The following PLEKHD1 variants were observed in gnomAD, a reference collection of about 807,000 sequenced individuals.
PLEKHD1 encodes the protein pleckstrin homology domain-containing family D member 1.
Under a neutral mutation model 69.2 loss-of-function variants are expected in PLEKHD1, and 51 were observed. That is an observed-to-expected ratio of 0.74 (90% CI 0.59 to 0.93). The LOEUF is 0.93. PLEKHD1 is among the 40% of genes least tolerant of loss of function. The pLI is 0.00. For synonymous variants in PLEKHD1, 236 were observed against 244.7 expected, an observed-to-expected ratio of 0.96 and a Z score of 0.33; for missense variants, 584 against 641.0, an observed-to-expected ratio of 0.91 and a Z score of 0.96.
At chr14:69,473,923 C>T in the PLEKHD1 span, among the ~76,000 whole-genome samples, 1 of 152,312 alleles carries the variant, frequency 6.6e-6, no homozygotes, top group African/African-American at 2.4e-5. Context: ...TCCAGCCCTC[C>T]AGCCCCCATC....
chr14:69,505,808 G>A lies in PLEKHD1; in HGVS notation c.555+2929G>A, dbSNP rs554314306. ...GGGACTCTGGAGGAATGAGCAGAGCGTGCAGGGGGAACCCTCCTGACTCAT... is the reference window on the plus strand; with the variant it reads ...GGGACTCTGGAGGAATGAGCAGAGCATGCAGGGGGAACCCTCCTGACTCAT... On this transcript the variant is annotated intron_variant, in intron 6 of 12. Coordinates refer to ENST00000322564, the MANE Select transcript of PLEKHD1 (RefSeq NM_001161498.2). 8.5e-5 allele frequency among the ~76,000 whole-genome samples: 13 copies of A among 152,328 alleles called. No homozygotes were observed. The South Asian group carries it at 1.2e-3, about 15-fold the overall frequency.
At chr14:69,481,945 G>A (rs1044403096), upstream of PLEKHD1, among the ~76,000 whole-genome samples, 2 of 152,122 alleles carry the variant, frequency 1.3e-5, no homozygotes, top group East Asian at 1.9e-4. Context: ...ATTTCAGCAC[G>A]CCTACCAGCT....
intron 6 of PLEKHD1, among the ~76,000 whole-genome samples, chr14:69,515,158 A>C (rs943951731): frequency 2.6e-5 from 4 of 152,210 alleles, no homozygotes; most frequent in African/African-American, 9.6e-5. Flanking sequence ...AGATCACGCC[A>C]CTGCACTCCA....
chr14:69,469,924 G>C, the PLEKHD1 span, among the ~76,000 whole-genome samples: 10 of 151,746 alleles, frequency 6.6e-5, no homozygotes, highest in Non-Finnish European at 1.3e-4. Context: ...GTTTCATCTT[G>C]TTGGCCAGGC....
At chr14:69,487,064 C>A (rs1882669932) in intron 1 of PLEKHD1, among the ~76,000 whole-genome samples, 1 of 152,162 alleles carries the variant, frequency 6.6e-6, no homozygotes, top group Non-Finnish European at 1.5e-5. Flanking sequence ...ACCTGGGTTC[C>A]CTTCCTTTGT....
intron 6 of PLEKHD1, among the ~76,000 whole-genome samples, chr14:69,519,899 C>A (rs542930169): frequency 6.6e-6 from 1 of 152,066 alleles, no homozygotes; most frequent in East Asian, 1.9e-4. Flanking sequence ...CGGTGGCTCA[C>A]GCCTATAATC....
intron 6 of PLEKHD1, among the ~76,000 whole-genome samples, chr14:69,519,824 C>T (rs367645538): frequency 6.6e-6 from 1 of 152,118 alleles, no homozygotes; most frequent in African/African-American, 2.4e-5. Context: ...CAGGTGGGTC[C>T]AGGGTGATCA....
At chr14:69,480,098 GACGTGTGTTAGA>G (rs1490731928), upstream of PLEKHD1, among the ~76,000 whole-genome samples, 1 of 152,250 alleles carries the variant, frequency 6.6e-6, no homozygotes, top group Non-Finnish European at 1.5e-5. Flanking sequence ...AAGGCAGACA[GACGTGTGTTAGA>G]ATGGGCGATG....
At chr14:69,475,172 T>C in the PLEKHD1 span, among the ~76,000 whole-genome samples, 1 of 152,264 alleles carries the variant, frequency 6.6e-6, no homozygotes, top group Non-Finnish European at 1.5e-5. Flanking sequence ...GGCCAGCATC[T>C]TGGCTTTCCC....
At chr14:69,472,862 G>A in the PLEKHD1 span, among the ~76,000 whole-genome samples, 4 of 152,254 alleles carry the variant, frequency 2.6e-5, no homozygotes, top group Admixed American at 2.0e-4. Context: ...GGAGGTGAGC[G>A]GCAGGTGAAG....
At chr14:69,501,872 A>G (rs1403462357) in intron 5 of PLEKHD1, 47 bp downstream of exon 5, 6 of 1,459,634 alleles carry the variant, frequency 4.1e-6, no homozygotes, top group African/African-American at 1.4e-5. Flanking sequence ...CTTGGGGACC[A>G]GGGGCTATAG....
intron 1 of PLEKHD1, among the ~76,000 whole-genome samples, chr14:69,495,878 T>C (rs1301325290): frequency 1.3e-5 from 2 of 152,220 alleles, no homozygotes; most frequent in African/African-American, 4.8e-5. Flanking sequence ...TGTCAGCATC[T>C]GGCACATGAC....
chr14:69,494,896 T>A (rs886489616), intron 1 of PLEKHD1, among the ~76,000 whole-genome samples: 3 of 152,198 alleles, frequency 2.0e-5, no homozygotes, highest in African/African-American at 7.2e-5. Flanking sequence ...CTTTGGGTCC[T>A]AGAAATTTGC....
At chr14:69,500,052 T>C in intron 1 of PLEKHD1, 63 bp from the exon 2 acceptor site, 1 of 1,206,612 alleles carries the variant, frequency 8.3e-7, no homozygotes, top group Non-Finnish European at 1.2e-6. Context: ...GGTGCTCTTG[T>C]TGTCCCAAGA....
At chr14:69,502,799 A>T in intron 5 of PLEKHD1, 28 bp from the exon 6 acceptor site, 1 of 1,539,780 alleles carries the variant, frequency 6.5e-7, no homozygotes, top group South Asian at 1.2e-5. Context: ...TTGTGTGTGC[A>T]TGTGTGTGTG....
Position 69,527,794 on chromosome 14 carries a change from G to C in PLEKHD1, c.1213G>C (p.Glu405Gln). ...DVSHLKRFFE[E>Q]CIRNAELEAK... ...CCCTGCCGCCACAGGGTTCTTTGAGGAGTGCATCCGGAATGCCGAGCTGGA... is the reference window on the plus strand; with the variant it reads ...CCCTGCCGCCACAGGGTTCTTTGAGCAGTGCATCCGGAATGCCGAGCTGGA... The change falls in exon 12 of 13, where the codon GAG (glutamate) becomes CAG (glutamine). Residue 405 changes from glutamate to glutamine, a missense_variant. Glu to Gln is a conservative substitution (Grantham distance 29). Coordinates refer to ENST00000322564, the MANE Select transcript of PLEKHD1 (RefSeq NM_001161498.2). 6.4e-7 allele frequency: 1 copy of C among 1,551,516 alleles called. No individual in the cohort carries two copies. Among genetic ancestry groups the C allele is most frequent in the Non-Finnish European group, 8.7e-7 (1 of 1,147,006 alleles).
At chr14:69,480,673 A>G (rs1170394329), upstream of PLEKHD1, among the ~76,000 whole-genome samples, 1 of 135,064 alleles carries the variant, frequency 7.4e-6, no homozygotes, top group Non-Finnish European at 1.7e-5. Flanking sequence ...CTTTTTTGAG[A>G]CAGAGTCTTG....
At chr14:69,510,518 A>G (rs1026217100) in intron 6 of PLEKHD1, among the ~76,000 whole-genome samples, 3 of 152,174 alleles carry the variant, frequency 2.0e-5, no homozygotes, top group Non-Finnish European at 4.4e-5. Context: ...GCAAGACCCT[A>G]TCTTCAAAAG....
At chr14:69,477,966 G>A in the PLEKHD1 span, among the ~76,000 whole-genome samples, 1 of 152,216 alleles carries the variant, frequency 6.6e-6, no homozygotes, top group South Asian at 2.1e-4. Context: ...TCTATGTGGG[G>A]GTTCCTGCCC....
Sources: gnomAD v4.1 joint callset for allele counts (sites outside exome capture counted in the v4.1 genomes callset) on GRCh38, gnomAD v4.1.1 for gene constraint, MANE v1.5 for transcripts, NCBI Gene and HGNC (gene_info 2026-07-23, HGNC 2026-07-21) for gene names.